The following CDYL variants were observed in gnomAD, a reference collection of about 807,000 sequenced individuals.
The protein encoded by CDYL is chromodomain Y like.
Under a neutral mutation model 47.3 loss-of-function variants are expected in CDYL, and 8 were observed. That is an observed-to-expected ratio of 0.17 (90% CI 0.10 to 0.31). The LOEUF is 0.31. Ranked by LOEUF, CDYL falls within the 10% of genes least tolerant of loss-of-function variation. The probability of loss-of-function intolerance (pLI) is 1.00; values close to 1 mark genes in which losing one functional copy is unlikely to be tolerated. For missense variants in CDYL, 471 were observed against 701.4 expected, an observed-to-expected ratio of 0.67 and a Z score of 3.71; for synonymous variants, 266 against 265.0, an observed-to-expected ratio of 1.00 and a Z score of -0.04.
At chr6:4,747,941 G>A (rs942578766) in intron 3 of CDYL, among the ~76,000 whole-genome samples, 2 of 152,114 alleles carry the variant, frequency 1.3e-5, no homozygotes, top group Non-Finnish European at 2.9e-5. Context: ...GAGAAATGTC[G>A]TACCTTCTCC....
intron 1 of CDYL, among the ~76,000 whole-genome samples, chr6:4,816,934 T>C (rs1209202843): frequency 6.6e-6 from 1 of 152,194 alleles, no homozygotes; most frequent in Non-Finnish European, 1.5e-5. Flanking sequence ...GAGGTTCCAC[T>C]TGCCCCTCAA....
In CDYL at chr6:4,943,348, C is replaced by G. The variant is rs148332329; in HGVS notation, c.1122-198C>G. ...GTGACAGCCACTACATGCGTGGGCTCCAGGCTGTCACCAAACCTTTACAAC... is the reference window on the plus strand; with the variant it reads ...GTGACAGCCACTACATGCGTGGGCTGCAGGCTGTCACCAAACCTTTACAAC... On this transcript the variant is annotated intron_variant, in intron 4 of 6. Coordinates refer to ENST00000397588, the MANE Select transcript of CDYL (RefSeq NM_004824.4). Among the ~76,000 whole-genome samples the G allele has an allele frequency of 4.1e-3, 627 of 152,216 alleles. 3 individuals are homozygous for G. The highest frequency in any genetic ancestry group is 6.9e-3 in the Non-Finnish European group (469 of 68,012).
chr6:4,890,279 A>G (rs1380094786), intron 1 of CDYL, among the ~76,000 whole-genome samples: 1 of 152,178 alleles, frequency 6.6e-6, no homozygotes, highest in Non-Finnish European at 1.5e-5. Flanking sequence ...CTTAAATTGA[A>G]ATACACCCTC....
intron 1 of CDYL, among the ~76,000 whole-genome samples, chr6:4,779,117 T>C (rs1479824391): frequency 6.6e-6 from 1 of 152,196 alleles, no homozygotes; most frequent in Non-Finnish European, 1.5e-5. Context: ...TATAGAGTTG[T>C]ATTGTTTTCA....
chr6:4,931,068 T>C (rs1294381803), intron 2 of CDYL, among the ~76,000 whole-genome samples: 1 of 152,100 alleles, frequency 6.6e-6, no homozygotes, highest in Non-Finnish European at 1.5e-5. Context: ...GTTGAGGTAA[T>C]GAGCTGTGTG....
At chr6:4,794,136 GAA>G (rs926423119) in intron 1 of CDYL, among the ~76,000 whole-genome samples, 22 of 152,210 alleles carry the variant, frequency 1.4e-4, no homozygotes, top group Admixed American at 1.4e-3. Context: ...CATAAGTAGA[GAA>G]GAGATGTGAA....
At chr6:4,789,154 C>T (rs113721870) in intron 1 of CDYL, among the ~76,000 whole-genome samples, 2,007 of 152,318 alleles carry the variant, frequency 0.013, 54 homozygotes, top group African/African-American at 0.046. Context: ...CTGCTCACTG[C>T]AGCCTCTGTC....
intron 4 of CDYL, among the ~76,000 whole-genome samples, chr6:4,938,372 C>T (rs1758265116): frequency 6.6e-6 from 1 of 152,208 alleles, no homozygotes; most frequent in Admixed American, 6.5e-5. Context: ...CTCAAGGTAT[C>T]CAACATTCAT....
At chr6:4,913,832 C>T (rs1757479003) in intron 2 of CDYL, among the ~76,000 whole-genome samples, 1 of 152,240 alleles carries the variant, frequency 6.6e-6, no homozygotes, top group East Asian at 1.9e-4. Context: ...ACGTGGCTTA[C>T]AAAACTTTAT....
At chr6:4,744,861 A>G (rs1361151710) in intron 3 of CDYL, among the ~76,000 whole-genome samples, 2 of 152,114 alleles carry the variant, frequency 1.3e-5, no homozygotes, top group Non-Finnish European at 1.5e-5. Context: ...TTTTTCTTCA[A>G]AGAAATGACT....
intron 1 of CDYL, among the ~76,000 whole-genome samples, chr6:4,712,101 CAGTT>C (rs1359475181): frequency 5.9e-5 from 9 of 152,144 alleles, no homozygotes; most frequent in African/African-American, 2.2e-4. Context: ...AAATATATAA[CAGTT>C]AAGTAGAAGC....
intron 2 of CDYL, among the ~76,000 whole-genome samples, chr6:4,895,901 C>T (rs1212792049): frequency 2.9e-4 from 44 of 152,080 alleles, no homozygotes. Context: ...TTGGTTAAAC[C>T]AAAAGGGATG....
At chr6:4,877,037 G>A (rs572642271) in intron 1 of CDYL, among the ~76,000 whole-genome samples, 1 of 152,334 alleles carries the variant, frequency 6.6e-6, no homozygotes, top group African/African-American at 2.4e-5. Context: ...CCATCTGTGA[G>A]GAATGGGCCC....
chr6:4,839,867 T>C (rs1262967177), intron 1 of CDYL, among the ~76,000 whole-genome samples: 2 of 152,182 alleles, frequency 1.3e-5, no homozygotes, highest in African/African-American at 4.8e-5. Context: ...CCTCCAGATT[T>C]GTTCTTTTTG....
intron 1 of CDYL, among the ~76,000 whole-genome samples, chr6:4,874,147 C>T (rs140164176): frequency 2.8e-4 from 43 of 152,210 alleles, no homozygotes; most frequent in African/African-American, 9.4e-4. Flanking sequence ...AAACGGTTCA[C>T]TTTGGTGAGG....
chr6:4,935,478 G>A, intron 2 of CDYL, 37 bp from the exon 3 acceptor site: 2 of 1,583,368 alleles, frequency 1.3e-6, no homozygotes, highest in Non-Finnish European at 1.7e-6. Context: ...CTGGTGGTGG[G>A]ACATCACAGA....
chr6:4,749,845 C>T (rs1489158562), intron 3 of CDYL, among the ~76,000 whole-genome samples: 2 of 152,064 alleles, frequency 1.3e-5, no homozygotes, highest in African/African-American at 2.4e-5. Flanking sequence ...GGGTCCCCTT[C>T]GAGAGTGAAA....
At chr6:4,727,024 C>T (rs1582286778) in intron 2 of CDYL, among the ~76,000 whole-genome samples, 1 of 152,240 alleles carries the variant, frequency 6.6e-6, no homozygotes, top group South Asian at 2.1e-4. Flanking sequence ...ACCCTAAGTG[C>T]ATATATACAT....
At chr6:4,788,040 G>A (rs1758803763) in intron 1 of CDYL, among the ~76,000 whole-genome samples, 1 of 151,958 alleles carries the variant, frequency 6.6e-6, no homozygotes, top group Non-Finnish European at 1.5e-5. Context: ...GCAAAGTGCT[G>A]GGATTATAGG....
Sources: gnomAD v4.1 joint callset for allele counts (sites outside exome capture counted in the v4.1 genomes callset) on GRCh38, gnomAD v4.1.1 for gene constraint, MANE v1.5 for transcripts, NCBI Gene and HGNC (gene_info 2026-07-23, HGNC 2026-07-21) for gene names.